The following RUSC2 variants were observed in gnomAD, a reference collection of about 807,000 sequenced individuals.
RUSC2 encodes the protein AP-4 complex accessory subunit RUSC2.
RUSC2 carries 34 observed loss-of-function variants against 122.2 expected under a neutral mutation model. The ratio of observed to expected loss-of-function variants is 0.28; its 90% CI spans 0.21 to 0.37. The LOEUF is 0.37. Ranked by LOEUF, RUSC2 falls within the 10% of genes least tolerant of loss-of-function variation. The pLI, the probability that RUSC2 is intolerant of heterozygous loss-of-function variation, is 1.00. For synonymous variants in RUSC2, 784 were observed against 790.0 expected, an observed-to-expected ratio of 0.99 and a Z score of 0.13; for missense variants, 1,747 against 1,952.4, an observed-to-expected ratio of 0.89 and a Z score of 1.98.
chr9:35,493,091 G>C (rs1198416777), intron 1 of RUSC2, among the ~76,000 whole-genome samples: 6 of 151,974 alleles, frequency 3.9e-5, no homozygotes, highest in Admixed American at 3.9e-4. Flanking sequence ...TCATCACCCA[G>C]GTATTAAACC....
Position 35,560,001 on chromosome 9 carries a change from G to A in RUSC2, c.3389-28G>A, listed in dbSNP as rs1307656640. On this transcript the variant is annotated intron_variant, in intron 9 of 11. Transcript: ENST00000361226. ...TGGGCCAGGCTCTGGTTCTCTGTGT[G>A]GATCAGTCCCTCTCTCTTTTCCCCT... 3 of 1,541,928 alleles carry A rather than the reference G, an allele frequency of 1.9e-6. No homozygotes were observed. The East Asian group carries it at 6.8e-5, about 35-fold the overall frequency.
At chr9:35,537,452 G>A (rs1821553155) in intron 1 of RUSC2, among the ~76,000 whole-genome samples, 1 of 152,300 alleles carries the variant, frequency 6.6e-6, no homozygotes, top group South Asian at 2.1e-4. Flanking sequence ...GCTATGAACA[G>A]CAGCCTCCCT....
intron 1 of RUSC2, among the ~76,000 whole-genome samples, chr9:35,533,876 T>G (rs964148548): frequency 2.0e-5 from 3 of 152,250 alleles, no homozygotes; most frequent in Non-Finnish European, 4.4e-5. Flanking sequence ...ATGAACATTT[T>G]GGTTGCTCCT....
At chr9:35,499,229 G>A (rs1037298280) in intron 1 of RUSC2, among the ~76,000 whole-genome samples, 2 of 152,194 alleles carry the variant, frequency 1.3e-5, no homozygotes, top group Non-Finnish European at 2.9e-5. Flanking sequence ...AGAGGCTGTA[G>A]TGAGTTGAGA....
At chr9:35,491,240 A>G (rs1820562089) in intron 1 of RUSC2, among the ~76,000 whole-genome samples, 1 of 152,226 alleles carries the variant, frequency 6.6e-6, no homozygotes, top group South Asian at 2.1e-4. Context: ...CTGAGGGATG[A>G]AACAATGGCT....
At chr9:35,514,305 G>A (rs760036912) in intron 1 of RUSC2, among the ~76,000 whole-genome samples, 9 of 152,126 alleles carry the variant, frequency 5.9e-5, no homozygotes, top group Non-Finnish European at 1.3e-4. Context: ...ATGATTAGGA[G>A]TTAGACAAAT....
At chr9:35,559,980 C>T in intron 9 of RUSC2, 49 bp from the exon 10 acceptor site, 1 of 1,485,518 alleles carries the variant, frequency 6.7e-7, no homozygotes, top group Non-Finnish European at 9.1e-7. Flanking sequence ...CCCACTTGGG[C>T]CAGGCTCTGG....
In RUSC2 at chr9:35,558,268, C is replaced by A. The variant is rs1343229557; in HGVS notation, c.3132C>A (p.Val1044=). 2 of 1,614,190 alleles carry A rather than the reference C, an allele frequency of 1.2e-6. No homozygotes were observed. The highest frequency in any genetic ancestry group is 3.3e-5 in the Admixed American group (2 of 60,026). The part of the protein sequence containing the change: ...HLVLKYLCPA[V]RAVLEDGLKA... ...TTCTGAAGTACTTGTGCCCTGCCGT[C>A]CGCGCCGTGCTGGAGGATGGGCTCA... Residue 1044 remains valine, a synonymous_variant, in exon 7 of 12, where the codon GTC becomes GTA. Coordinates refer to ENST00000361226, the MANE Select transcript of RUSC2 (RefSeq NM_014806.5). The surrounding 1 kb of genome is among the most constrained non-coding windows in gnomAD (Gnocchi z 4.3).
chr9:35,495,030 T>TACATATACTATAGTATATATA (rs1820656164), intron 1 of RUSC2, among the ~76,000 whole-genome samples: 1 of 86,742 alleles, frequency 1.2e-5, no homozygotes, highest in Non-Finnish European at 2.2e-5. Context: ...TTTTATATAT[T>TACATATACTATAGTATATATA]ATATATACTA....
At chr9:35,493,722 C>G (rs10972493) in intron 1 of RUSC2, among the ~76,000 whole-genome samples, 26,207 of 151,998 alleles carry the variant, frequency 0.17, 2,421 homozygotes, top group Admixed American at 0.26. Flanking sequence ...AGGCTGGTCT[C>G]GAACTTCTGA....
chr9:35,500,740 A>G (rs1024701625), intron 1 of RUSC2, among the ~76,000 whole-genome samples: 1 of 152,228 alleles, frequency 6.6e-6, no homozygotes, highest in Non-Finnish European at 1.5e-5. Context: ...TGGTCATACA[A>G]GAGCTATTCT....
intron 1 of RUSC2, among the ~76,000 whole-genome samples, chr9:35,498,683 C>T (rs1820765226): frequency 6.6e-6 from 1 of 151,090 alleles, no homozygotes; most frequent in African/African-American, 2.4e-5. Context: ...ATGGTGAAAC[C>T]CCATGTCTAC....
In RUSC2 at chr9:35,561,244, A is replaced by G; in HGVS notation, c.4413A>G (p.Gly1471=). 6.2e-7 allele frequency: 1 copy of G among 1,614,148 alleles called. No homozygotes were observed. Among genetic ancestry groups the G allele is most frequent in the East Asian group, 2.2e-5 (1 of 44,880 alleles). ...TGPGQLSFHK[G]DILRVLGRAG... ...CTGGACAGCTGAGCTTCCACAAAGGAGACATCCTACGAGTGCTGGGGCGAG... is the reference window on the plus strand; with the variant it reads ...CTGGACAGCTGAGCTTCCACAAAGGGGACATCCTACGAGTGCTGGGGCGAG... Residue 1471 remains glycine (G), a synonymous_variant, in exon 12 of 12, where the codon GGA becomes GGG. Transcript: ENST00000361226.
intron 1 of RUSC2, among the ~76,000 whole-genome samples, chr9:35,506,435 T>C (rs1421816335): frequency 6.6e-6 from 1 of 152,230 alleles, no homozygotes; most frequent in African/African-American, 2.4e-5. Flanking sequence ...TAGGCTTTAT[T>C]TTCCACTATG....
In RUSC2 at chr9:35,555,725, C is replaced by T. The variant is rs772758330; in HGVS notation, c.2656+24C>T. The stretch of plus-strand genomic sequence containing the variant: ...TGGTACGAGCTCCAGCATCTCCCTA[C>T]CCAACCCGCCACCTCACGCAAGCAC... On this transcript the variant is annotated intron_variant, in intron 3 of 11. Coordinates refer to ENST00000361226, the MANE Select transcript of RUSC2 (RefSeq NM_014806.5). This position sits in a 1 kb window ranked among gnomAD's most constrained non-coding sequence, Gnocchi z 4.6. The T allele has an allele frequency of 1.3e-6, 2 of 1,567,072 alleles. No homozygotes were observed. The highest frequency in any genetic ancestry group is 4.1e-5 in the Admixed American group (2 of 49,100).
intron 1 of RUSC2, among the ~76,000 whole-genome samples, chr9:35,529,969 T>C (rs981065000): frequency 1.2e-4 from 18 of 152,170 alleles, no homozygotes; most frequent in African/African-American, 4.3e-4. Context: ...TGTTTGTTTT[T>C]GAGACTGGGC....
intron 1 of RUSC2, among the ~76,000 whole-genome samples, chr9:35,528,222 C>CA (rs1821357112): frequency 6.6e-6 from 1 of 151,960 alleles, no homozygotes; most frequent in African/African-American, 2.4e-5. Flanking sequence ...GCCATCTCTA[C>CA]AAAAAATTTA....
At position 35,556,393 on chromosome 9, in the gene RUSC2, T is replaced by C; in HGVS notation, c.2928T>C (p.Cys976=). The change falls in exon 5 of 12, where the codon TGT becomes TGC. Residue 976 remains cysteine, a synonymous_variant. Coordinates refer to ENST00000361226, the MANE Select transcript of RUSC2 (RefSeq NM_014806.5). ...SLTEKPPAEF[C]LSPDGSSEAI... ...CGGAGAAGCCTCCAGCTGAGTTTTG[T>C]CTGTCCCCAGATGGCAGCTCAGAGG... The C allele has an allele frequency of 6.2e-7, 1 of 1,614,244 alleles. No homozygotes were observed.
chr9:35,561,827 G>T lies in RUSC2; in HGVS notation c.*445G>T, dbSNP rs1285919899. 1.7e-6 allele frequency: 1 copy of T among 598,512 alleles called. No homozygotes were observed. The highest frequency in any genetic ancestry group is 2.8e-5 in the East Asian group (1 of 35,280). 37.1% of individuals were successfully genotyped at this position (598,512 alleles called of 1,614,324 possible). On this transcript the variant is annotated 3_prime_UTR_variant, in exon 12 of 12. Coordinates refer to ENST00000361226, the MANE Select transcript of RUSC2 (RefSeq NM_014806.5). ...CATCAGAAGAGGGAGGAGGAGCCCA[G>T]GCGTCTGTTTATGTATTTATTTATT...
Sources: allele counts gnomAD v4.1 joint callset (sites outside exome capture counted in the v4.1 genomes callset), GRCh38; gene constraint gnomAD v4.1.1; non-coding constraint Gnocchi (gnomAD v3.1); transcripts MANE v1.5; gene names NCBI Gene and HGNC (gene_info 2026-07-23, HGNC 2026-07-21).